The following DLG2 variants were observed in gnomAD, a reference collection of about 807,000 sequenced individuals.
The protein encoded by DLG2 is discs large MAGUK scaffold protein 2.
Under a neutral mutation model 132.5 loss-of-function variants are expected in DLG2, and 45 were observed. The observed-to-expected ratio is 0.34, with a 90% CI of 0.27 to 0.44. DLG2 has a LOEUF of 0.44. Among genes scored for constraint, DLG2 ranks in the 20% least tolerant of loss-of-function variants. The pLI is 1.00. For synonymous variants in DLG2, 424 were observed against 419.6 expected (o/e 1.01, Z -0.13); for missense variants, 1,045 against 1,196.9 (o/e 0.87, Z 1.87).
intron 19 of DLG2, among the ~76,000 whole-genome samples, chr11:83,559,847 C>T (rs2096580842): frequency 6.6e-6 from 1 of 152,120 alleles, no homozygotes; most frequent in Admixed American, 6.6e-5. Context: ...AAAGACCAAA[C>T]CCTAAGAATG....
intron 3 of DLG2, among the ~76,000 whole-genome samples, chr11:85,418,732 A>C: frequency 6.6e-6 from 1 of 152,048 alleles, no homozygotes; most frequent in East Asian, 1.9e-4. Flanking sequence ...TTGTTGGTTT[A>C]TCAGAGACTA....
intron 14 of DLG2, among the ~76,000 whole-genome samples, chr11:83,936,642 G>T (rs1050496173): frequency 6.6e-6 from 1 of 152,232 alleles, no homozygotes; most frequent in Admixed American, 6.5e-5. Flanking sequence ...GAGACAAAGG[G>T]CAGAGTAAGA....
At chr11:85,376,452 T>C (rs1346240671) in intron 3 of DLG2, among the ~76,000 whole-genome samples, 1 of 152,192 alleles carries the variant, frequency 6.6e-6, no homozygotes, top group Non-Finnish European at 1.5e-5. Flanking sequence ...TCAAGAGGCC[T>C]GAACCAAGTT....
intron 7 of DLG2, among the ~76,000 whole-genome samples, chr11:84,353,103 C>A (rs747716374): frequency 6.6e-5 from 10 of 152,154 alleles, no homozygotes; most frequent in Admixed American, 1.3e-4. Flanking sequence ...CTCCTATTTG[C>A]AAACAAACCT....
chr11:84,467,090 G>A (rs945853496), intron 7 of DLG2, among the ~76,000 whole-genome samples: 3 of 151,262 alleles, frequency 2.0e-5, no homozygotes, highest in Non-Finnish European at 4.4e-5. Flanking sequence ...AGATCTTGGT[G>A]TCTATTTATC....
At chr11:84,452,750 GTAAGAAACA>G (rs2099055080) in intron 7 of DLG2, among the ~76,000 whole-genome samples, 1 of 151,526 alleles carries the variant, frequency 6.6e-6, no homozygotes, top group Admixed American at 6.6e-5. Flanking sequence ...AGCAGGTTTT[GTAAGAAACA>G]TAAGAAGTTA....
At chr11:83,460,848 G>A (rs909559760) in intron 27 of DLG2, among the ~76,000 whole-genome samples, 3 of 152,086 alleles carry the variant, frequency 2.0e-5, no homozygotes, top group Non-Finnish European at 2.9e-5. Context: ...AACACAGCTC[G>A]TATCTTGGTT....
At chr11:84,037,595 A>G (rs375879704) in intron 11 of DLG2, among the ~76,000 whole-genome samples, 1 of 152,140 alleles carries the variant, frequency 6.6e-6, no homozygotes, top group African/African-American at 2.4e-5. Flanking sequence ...ATCATGGACA[A>G]TGAAGGAGAG....
chr11:85,302,660 A>G (rs1034005737), intron 3 of DLG2, among the ~76,000 whole-genome samples: 1 of 151,782 alleles, frequency 6.6e-6, no homozygotes, highest in Non-Finnish European at 1.5e-5. Flanking sequence ...AAAAAAAAAA[A>G]AAAAACAGTC....
intron 16 of DLG2, among the ~76,000 whole-genome samples, chr11:83,853,732 C>T (rs1371239604): frequency 1.3e-5 from 2 of 152,084 alleles, no homozygotes. Context: ...AACTCCTCAA[C>T]TTATTAAATA....
At chr11:83,800,625 C>T (rs1007028728) in intron 17 of DLG2, among the ~76,000 whole-genome samples, 1 of 151,696 alleles carries the variant, frequency 6.6e-6, no homozygotes, top group African/African-American at 2.4e-5. Context: ...CATTAACTTC[C>T]CTTTAAATTT....
chr11:83,606,925 T>C (rs2059428418), intron 19 of DLG2, among the ~76,000 whole-genome samples: 1 of 151,820 alleles, frequency 6.6e-6, no homozygotes, highest in Admixed American at 6.6e-5. Context: ...AGACTCCGTC[T>C]CAAAAAAAGA....
intron 8 of DLG2, among the ~76,000 whole-genome samples, chr11:84,207,191 A>G (rs896930442): frequency 2.0e-5 from 3 of 151,950 alleles, no homozygotes; most frequent in Non-Finnish European, 4.4e-5. Flanking sequence ...GGGCTGGAAG[A>G]CTCAATATTG....
intron 6 of DLG2, among the ~76,000 whole-genome samples, chr11:84,881,286 T>A (rs1310148417): frequency 6.6e-6 from 1 of 152,164 alleles, no homozygotes; most frequent in Non-Finnish European, 1.5e-5. Context: ...ATGTTCTCCA[T>A]GTCAGCTTCC....
At chr11:84,092,027 G>A (rs1486112958) in intron 10 of DLG2, among the ~76,000 whole-genome samples, 1 of 152,190 alleles carries the variant, frequency 6.6e-6, no homozygotes, top group Non-Finnish European at 1.5e-5. Context: ...GTTTTTAAAA[G>A]TCTCATTACA....
chr11:84,185,694 T>C (rs1303432827), intron 8 of DLG2, among the ~76,000 whole-genome samples: 1 of 152,216 alleles, frequency 6.6e-6, no homozygotes, highest in African/African-American at 2.4e-5. Flanking sequence ...TTCAGTATGA[T>C]ATTGGCTGTG....
intron 3 of DLG2, among the ~76,000 whole-genome samples, chr11:85,533,313 C>T (rs2153194275): frequency 6.6e-6 from 1 of 152,088 alleles, no homozygotes; most frequent in African/African-American, 2.4e-5. Context: ...CATGAGCCAC[C>T]ACACCCAGCC....
intron 7 of DLG2, among the ~76,000 whole-genome samples, chr11:84,281,227 T>A (rs1409905405): frequency 6.6e-6 from 1 of 152,038 alleles, no homozygotes; most frequent in Non-Finnish European, 1.5e-5. Context: ...TGAGAGAAGA[T>A]CTTTATGACC....
intron 15 of DLG2, among the ~76,000 whole-genome samples, chr11:83,894,169 A>G (rs1201422395): frequency 1.3e-5 from 2 of 152,158 alleles, no homozygotes; most frequent in East Asian, 1.9e-4. Flanking sequence ...AACCACCCAC[A>G]TTCTGTTATA....
Sources: gnomAD v4.1 joint callset for allele counts (sites outside exome capture counted in the v4.1 genomes callset) on GRCh38, gnomAD v4.1.1 for gene constraint, MANE v1.5 for transcripts, NCBI Gene and HGNC (gene_info 2026-07-23, HGNC 2026-07-21) for gene names.